The following GABRP variants were observed in gnomAD, a reference collection of about 807,000 sequenced individuals.
GABRP encodes the protein gamma-aminobutyric acid type A receptor subunit pi.
In GABRP, 52 loss-of-function variants were observed where a neutral mutation model predicts 47.8. The ratio of observed to expected loss-of-function variants is 1.09; its 90% CI spans 0.87 to 1.37. The LOEUF is 1.37. Among genes scored for constraint, GABRP ranks in the 40% most tolerant of loss-of-function variants. The pLI is 0.00. For synonymous variants in GABRP, 221 were observed against 205.8 expected, an observed-to-expected ratio of 1.07 and a Z score of -0.63; for missense variants, 525 against 542.8, an observed-to-expected ratio of 0.97 and a Z score of 0.33.
chr5:170,789,456 T>C (rs889193656), intron 3 of GABRP, among the ~76,000 whole-genome samples: 4 of 152,146 alleles, frequency 2.6e-5, no homozygotes, highest in Non-Finnish European at 5.9e-5. Flanking sequence ...GATAAAGGAA[T>C]GCTCCTTCTC....
At chr5:170,801,335 T>C (rs1479840882) in intron 6 of GABRP, among the ~76,000 whole-genome samples, 13 of 152,190 alleles carry the variant, frequency 8.5e-5, no homozygotes, top group Admixed American at 8.5e-4. Context: ...AATATGGAGA[T>C]AATGAAAATC....
At chr5:170,784,997 A>G (rs1174270812) in intron 1 of GABRP, among the ~76,000 whole-genome samples, 2 of 152,210 alleles carry the variant, frequency 1.3e-5, no homozygotes, top group East Asian at 3.9e-4. Context: ...AACCCTTAGG[A>G]CACTGCTCTC....
Position 170,809,767 on chromosome 5 carries a change from G to C in GABRP, c.1020+12G>C, listed in dbSNP as rs763778695. On this transcript the variant is annotated intron_variant, in intron 9 of 9. Coordinates refer to ENST00000265294, the MANE Select transcript of GABRP (RefSeq NM_014211.3). ...CAGCCAAAGATAGGGTAAGAGTCTT[G>C]AGGGCCCTGTGTATGATCCATCACT... 15 of 1,577,442 alleles carry C rather than the reference G, an allele frequency of 9.5e-6. No individual in the cohort carries two copies. The Admixed American group carries it at 1.1e-4, about 11-fold the overall frequency.
intron 3 of GABRP, among the ~76,000 whole-genome samples, chr5:170,793,578 C>T (rs1189261302): frequency 2.0e-5 from 3 of 152,150 alleles, no homozygotes; most frequent in Non-Finnish European, 4.4e-5. Context: ...GTCTTGAATG[C>T]CTCTTGTGGT....
At chr5:170,794,371 CGCT>C in intron 4 of GABRP, 73 bp downstream of exon 4, 1 of 637,082 alleles carries the variant, frequency 1.6e-6, no homozygotes, top group South Asian at 3.1e-5. Flanking sequence ...GCTTTCTAGC[CGCT>C]CAAAAAAAAA....
intron 6 of GABRP, among the ~76,000 whole-genome samples, chr5:170,802,744 C>T (rs571586110): frequency 2.1e-5 from 3 of 146,132 alleles, no homozygotes; most frequent in South Asian, 4.9e-4. Flanking sequence ...CCCCAGTGAG[C>T]GGAGGGAGCT....
intron 6 of GABRP, among the ~76,000 whole-genome samples, chr5:170,798,305 T>C (rs530825822): frequency 1.2e-4 from 18 of 152,258 alleles, no homozygotes; most frequent in African/African-American, 4.3e-4. Context: ...TCTCCCAAAG[T>C]GCTGAGATTA....
In GABRP at chr5:170,812,206, T is replaced by C. The variant is rs770537379; in HGVS notation, c.1271T>C (p.Leu424Ser). Residue 424 changes from leucine to serine, a missense_variant, in exon 10 of 10, where the codon TTG becomes TCG. Leu to Ser is a moderately radical substitution (Grantham distance 145). Coordinates refer to ENST00000265294, the MANE Select transcript of GABRP (RefSeq NM_014211.3). Reference sequence around the variant, plus strand: ...CACTATTCCAAACTACTGTTTCCTTTGATTTTTATGCTAGCCAATGTATTT... The same window carrying C: ...CACTATTCCAAACTACTGTTTCCTTCGATTTTTATGCTAGCCAATGTATTT... The part of the protein sequence containing the change: ...VDHYSKLLFP[L>S]IFMLANVFYW... 1.9e-6 allele frequency: 3 copies of C among 1,613,906 alleles called. No individual in the cohort carries two copies. The highest frequency in any genetic ancestry group is 4.5e-5 in the East Asian group (2 of 44,892).
At chr5:170,809,450 C>T (rs1022356789) in intron 8 of GABRP, 118 bp from the exon 9 acceptor site, 1 of 885,718 alleles carries the variant, frequency 1.1e-6, no homozygotes, top group South Asian at 1.5e-5. Context: ...AAATGAGATG[C>T]ATTCCATTTC....
Position 170,795,323 on chromosome 5 carries a change from A to T in GABRP, c.356A>T (p.Asp119Val). 6.2e-7 allele frequency: 1 copy of T among 1,613,972 alleles called. No homozygotes were observed. The highest frequency in any genetic ancestry group is 8.5e-7 in the Non-Finnish European group (1 of 1,179,996). ...ARLVEFLWVP[D>V]TYIVESKKSF... ...CTCGTGGAGTTCCTCTGGGTGCCAG[A>T]TACTTACATTGTGGAGTCCAAGAAG... is the stretch of plus-strand genomic sequence containing the variant. The change falls in exon 5 of 10, where the codon GAT becomes GTT. Residue 119 changes from aspartate to valine, a missense_variant. Physicochemically the swap from Asp to Val is radical, Grantham distance 152 (BLOSUM62 -3). Coordinates refer to ENST00000265294, the MANE Select transcript of GABRP (RefSeq NM_014211.3).
intron 1 of GABRP, among the ~76,000 whole-genome samples, chr5:170,784,456 G>T (rs373424636): frequency 1.6e-4 from 24 of 152,042 alleles, no homozygotes; most frequent in African/African-American, 5.8e-4. Context: ...AAGCCCAGTA[G>T]GCCAAGCCAG....
intron 6 of GABRP, among the ~76,000 whole-genome samples, chr5:170,798,555 T>C (rs1411336612): frequency 2.0e-5 from 3 of 152,132 alleles, no homozygotes. Context: ...TCTATCTGAT[T>C]ACTAACTCTC....
At chr5:170,803,032 G>T (rs984687198) in intron 6 of GABRP, among the ~76,000 whole-genome samples, 1 of 152,164 alleles carries the variant, frequency 6.6e-6, no homozygotes, top group Non-Finnish European at 1.5e-5. Context: ...TGTAAAGTCA[G>T]AGTGTCCAGG....
chr5:170,792,987 GA>G (rs1561808333), intron 3 of GABRP, among the ~76,000 whole-genome samples: 1 of 152,148 alleles, frequency 6.6e-6, no homozygotes, highest in African/African-American at 2.4e-5. Context: ...TTACGGAAGA[GA>G]GGGGGAAGGG....
At chr5:170,786,991 G>T (rs970678912) in intron 1 of GABRP, among the ~76,000 whole-genome samples, 2 of 152,032 alleles carry the variant, frequency 1.3e-5, no homozygotes, top group Admixed American at 1.3e-4. Flanking sequence ...TTTTGTTTTT[G>T]TTATGTTTTT....
intron 7 of GABRP, 42 bp downstream of exon 7, chr5:170,805,895 C>A: frequency 6.2e-7 from 1 of 1,605,256 alleles, no homozygotes; most frequent in Non-Finnish European, 8.5e-7. Context: ...AATAAGTGAA[C>A]TGAGGTGTAG....
intron 3 of GABRP, among the ~76,000 whole-genome samples, chr5:170,793,451 AAC>A (rs922354063): frequency 1.6e-4 from 24 of 152,300 alleles, no homozygotes; most frequent in African/African-American, 5.8e-4. Flanking sequence ...ATTGAGGCCC[AAC>A]AGTCTGCACA....
chr5:170,792,104 C>T (rs1003058085), intron 3 of GABRP, among the ~76,000 whole-genome samples: 1 of 152,186 alleles, frequency 6.6e-6, no homozygotes, highest in Admixed American at 6.5e-5. Flanking sequence ...AGGGGACAAA[C>T]ATTCAAACCA....
At chr5:170,801,042 A>G (rs1377663117) in intron 6 of GABRP, among the ~76,000 whole-genome samples, 1 of 152,216 alleles carries the variant, frequency 6.6e-6, no homozygotes, top group Non-Finnish European at 1.5e-5. Context: ...TCACTATACT[A>G]GACACCTTGC....
Sources: allele counts gnomAD v4.1 joint callset (sites outside exome capture counted in the v4.1 genomes callset), GRCh38; gene constraint gnomAD v4.1.1; transcripts MANE v1.5; gene names NCBI Gene and HGNC (gene_info 2026-07-23, HGNC 2026-07-21).